The following SLC2A13 variants were observed in gnomAD, a reference collection of about 807,000 sequenced individuals.
SLC2A13 encodes the protein proton myo-inositol cotransporter.
A neutral mutation model predicts 64.4 loss-of-function variants in SLC2A13; 32 were observed. The ratio of observed to expected loss-of-function variants is 0.50; its 90% CI spans 0.37 to 0.67. The LOEUF (loss-of-function observed/expected upper bound fraction) is 0.67. Ranked by LOEUF, SLC2A13 falls within the 30% of genes least tolerant of loss-of-function variation. The probability of loss-of-function intolerance (pLI) is 0.00; values close to 1 mark genes in which losing one functional copy is unlikely to be tolerated. For synonymous variants in SLC2A13, 338 were observed against 327.1 expected (o/e 1.03, Z -0.36); for missense variants, 743 against 829.2 (o/e 0.90, Z 1.28).
At chr12:40,013,069 TA>T (rs1250233649) in intron 3 of SLC2A13, among the ~76,000 whole-genome samples, 1 of 152,078 alleles carries the variant, frequency 6.6e-6, no homozygotes, top group Non-Finnish European at 1.5e-5. Flanking sequence ...GCAGCTACAG[TA>T]AAAATGTTTT....
intron 4 of SLC2A13, among the ~76,000 whole-genome samples, chr12:39,944,525 C>T (rs930950537): frequency 1.3e-5 from 2 of 152,178 alleles, no homozygotes; most frequent in Admixed American, 1.3e-4. Context: ...TTCGGAGCTC[C>T]AGTGTTAGGT....
chr12:39,851,034 G>C (rs1042041019), intron 6 of SLC2A13, among the ~76,000 whole-genome samples: 1 of 151,854 alleles, frequency 6.6e-6, no homozygotes, highest in African/African-American at 2.4e-5. Context: ...TGAGTAGCTG[G>C]GATTACAGGT....
intron 3 of SLC2A13, among the ~76,000 whole-genome samples, chr12:39,994,443 G>A (rs1397115807): frequency 1.3e-5 from 2 of 150,350 alleles, no homozygotes; most frequent in East Asian, 3.9e-4. Context: ...TGATACTGCC[G>A]TACATACATA....
intron 6 of SLC2A13, among the ~76,000 whole-genome samples, chr12:39,860,713 T>C (rs1943737042): frequency 6.6e-6 from 1 of 152,208 alleles, no homozygotes; most frequent in South Asian, 2.1e-4. Flanking sequence ...CAGTTAATTA[T>C]TTATTTTAAA....
At chr12:39,771,298 A>G (rs7300946) in intron 7 of SLC2A13, among the ~76,000 whole-genome samples, 147,950 of 152,154 alleles carry the variant, frequency 0.97, 71,932 homozygotes, top group East Asian at 1. Flanking sequence ...ATATGGCAAA[A>G]GTGACAGGAC....
intron 6 of SLC2A13, 77 bp from the exon 7 acceptor site, chr12:39,830,305 T>C (rs768028832): frequency 5.8e-6 from 9 of 1,546,456 alleles, no homozygotes; most frequent in Non-Finnish European, 7.8e-6. Flanking sequence ...CATGTGCTTC[T>C]CTGCATTTTC....
intron 1 of SLC2A13, among the ~76,000 whole-genome samples, chr12:40,076,667 C>A (rs1025108699): frequency 1.3e-5 from 2 of 151,926 alleles, no homozygotes; most frequent in African/African-American, 2.4e-5. Flanking sequence ...GGGTATATAC[C>A]CAGTAAGGGG....
chr12:39,783,712 G>A (rs888523150), intron 7 of SLC2A13, among the ~76,000 whole-genome samples: 1 of 152,104 alleles, frequency 6.6e-6, no homozygotes, highest in African/African-American at 2.4e-5. Context: ...CTTTTTGGGG[G>A]TTGTTTGTTT....
intron 4 of SLC2A13, among the ~76,000 whole-genome samples, chr12:39,947,175 G>A (rs577995923): frequency 1.3e-5 from 2 of 152,332 alleles, no homozygotes; most frequent in Non-Finnish European, 2.9e-5. Context: ...ACTCTGCAAG[G>A]AGAGTGGCTA....
intron 7 of SLC2A13, among the ~76,000 whole-genome samples, chr12:39,805,170 A>G (rs1001759555): frequency 1.3e-5 from 2 of 149,796 alleles, no homozygotes; most frequent in East Asian, 4.0e-4. Context: ...TGTGTGTTGG[A>G]CGTGGCCAGA....
chr12:39,798,879 TA>T (rs1469200287), intron 7 of SLC2A13, among the ~76,000 whole-genome samples: 1 of 151,782 alleles, frequency 6.6e-6, no homozygotes, highest in African/African-American at 2.4e-5. Context: ...TTATATAATA[TA>T]AAAATAATTT....
chr12:39,860,822 A>G (rs1240065153), intron 6 of SLC2A13, among the ~76,000 whole-genome samples: 1 of 152,110 alleles, frequency 6.6e-6, no homozygotes, highest in Non-Finnish European at 1.5e-5. Flanking sequence ...TCTCTCTCAT[A>G]GACAACTGTA....
At chr12:39,953,333 T>C (rs1946264699) in intron 3 of SLC2A13, among the ~76,000 whole-genome samples, 1 of 152,222 alleles carries the variant, frequency 6.6e-6, no homozygotes, top group African/African-American at 2.4e-5. Context: ...TGGTAGTTCC[T>C]TTATTAGACT....
chr12:39,916,021 G>A (rs1945516525), intron 4 of SLC2A13, among the ~76,000 whole-genome samples: 1 of 151,722 alleles, frequency 6.6e-6, no homozygotes, highest in Non-Finnish European at 1.5e-5. Flanking sequence ...CATTCTAATA[G>A]GACAAATATC....
intron 1 of SLC2A13, among the ~76,000 whole-genome samples, chr12:40,102,033 T>C (rs1440650520): frequency 6.6e-6 from 1 of 152,210 alleles, no homozygotes; most frequent in Non-Finnish European, 1.5e-5. Context: ...ACCTACTCAC[T>C]CTTCAAACCC....
At chr12:39,884,401 CTA>C (rs1451066068) in intron 4 of SLC2A13, among the ~76,000 whole-genome samples, 4 of 152,206 alleles carry the variant, frequency 2.6e-5, no homozygotes, top group African/African-American at 9.6e-5. Flanking sequence ...TTAAATTAAT[CTA>C]TGTCCTTTAC....
At chr12:39,779,908 G>A (rs1454817789) in intron 7 of SLC2A13, among the ~76,000 whole-genome samples, 1 of 152,218 alleles carries the variant, frequency 6.6e-6, no homozygotes, top group African/African-American at 2.4e-5. Flanking sequence ...GAGAATGAAT[G>A]CAAGCTGATT....
At chr12:40,093,656 G>A (rs1289199614) in intron 1 of SLC2A13, among the ~76,000 whole-genome samples, 1 of 152,144 alleles carries the variant, frequency 6.6e-6, no homozygotes, top group Non-Finnish European at 1.5e-5. Flanking sequence ...ACACAAGAGA[G>A]AAAGGGAAAG....
At chr12:40,069,381 C>G (rs2136266530) in intron 1 of SLC2A13, among the ~76,000 whole-genome samples, 1 of 152,044 alleles carries the variant, frequency 6.6e-6, no homozygotes, top group African/African-American at 2.4e-5. Flanking sequence ...ACAAATTTAT[C>G]TCTCTTTTGC....
Sources: allele counts gnomAD v4.1 joint callset (sites outside exome capture counted in the v4.1 genomes callset), GRCh38; gene constraint gnomAD v4.1.1; transcripts MANE v1.5; gene names NCBI Gene and HGNC (gene_info 2026-07-23, HGNC 2026-07-21).